PTDSS2: variants seen among roughly 807,000 people sequenced by gnomAD.
The protein encoded by PTDSS2 is phosphatidylserine synthase 2.
Under a neutral mutation model 64.7 loss-of-function variants are expected in PTDSS2, and 41 were observed. The ratio of observed to expected loss-of-function variants is 0.63; its 90% confidence interval spans 0.49 to 0.82. The LOEUF (loss-of-function observed/expected upper bound fraction) is 0.82, where lower values mean the gene tolerates loss of function less well. Ranked by LOEUF, PTDSS2 falls within the 40% of genes least tolerant of loss-of-function variation. PTDSS2 has a pLI of 0.00. For synonymous variants in PTDSS2, 297 were observed against 277.8 expected (o/e 1.07, Z -0.69); for missense variants, 485 against 650.0 (o/e 0.75, Z 2.76).
chr11:488,718 CAGCAGACCCCG>C (rs1199880737), intron 8 of PTDSS2, 71 bp downstream of exon 8: 8 of 1,132,260 alleles, frequency 7.1e-6, no homozygotes, highest in Admixed American at 1.7e-5. Flanking sequence ...GTCCGTGCTC[CAGCAGACCCCG>C]AGCACCAGGC....
At chr11:484,169 T>C (rs931019885) in intron 4 of PTDSS2, among the ~76,000 whole-genome samples, 1 of 152,216 alleles carries the variant, frequency 6.6e-6, no homozygotes, top group Admixed American at 6.5e-5. Context: ...CGCTGCTCTA[T>C]TTATCGTGGT....
intron 1 of PTDSS2, among the ~76,000 whole-genome samples, chr11:451,856 G>T (rs1318648896): frequency 2.0e-5 from 3 of 152,210 alleles, no homozygotes; most frequent in African/African-American, 7.2e-5. Context: ...AGCTGCTGTT[G>T]CAGGGAGGGC....
At position 462,266 on chromosome 11, in the gene PTDSS2, G is replaced by A. The variant is rs1410590718; in HGVS notation, c.284+1978G>A. The stretch of plus-strand genomic sequence containing the variant: ...GACCCCTGAGGGGGCAGCAGTGGTG[G>A]GCACGTCCCCCACTTCACCCAGCAC... On this transcript the variant is annotated intron_variant, in intron 2 of 11. Coordinates refer to ENST00000308020, the MANE Select transcript of PTDSS2 (RefSeq NM_030783.3). This position sits in a 1 kb window ranked among gnomAD's most constrained non-coding sequence, Gnocchi z 4.5. Among the ~76,000 whole-genome samples, 1 of 152,036 alleles carries A rather than the reference G, an allele frequency of 6.6e-6. No individual in the cohort carries two copies. The highest frequency in any genetic ancestry group is 1.5e-5 in the Non-Finnish European group (1 of 67,988).
In PTDSS2 at chr11:486,014, C is replaced by CGT. The variant is rs201962344; in HGVS notation, c.436-923_436-922dup. ...CGAGCGTAAGCAGTGCACGGGCGCG[C>CGT]GTGCTCACCGTGTGCGCAGGCGAGT... On this transcript the variant is annotated intron_variant, in intron 4 of 11. Transcript: ENST00000308020. Among the ~76,000 whole-genome samples, 415 of 114,294 alleles carry CGT rather than the reference C, an allele frequency of 3.6e-3. 6 individuals carry two copies. The highest frequency in any genetic ancestry group is 6.8e-3 in the Admixed American group (83 of 12,172). 75.0% of individuals were successfully genotyped at this position (114,294 alleles called of 152,430 possible). A position where few individuals can be genotyped will look rare whatever the true frequency, so the allele number is the denominator to read the frequency against.
At position 451,303 on chromosome 11, in the gene PTDSS2, A is replaced by G. The variant is rs576064273; in HGVS notation, c.182+666A>G. ...CCACTCTGCCTTTAATGGGGGTGGA[A>G]AAGGAAGAGGCCCCCGGGAGCAGCT... On this transcript the variant is annotated intron_variant, in intron 1 of 11. Transcript: ENST00000308020. 8.4e-4 allele frequency: 350 copies of G among 414,494 alleles called. 1 individual carries two copies. The highest frequency in any genetic ancestry group is 6.9e-3 in the African/African-American group (337 of 49,080). The allele number at this position is 414,494 out of a possible 1,614,324, so 25.7% of individuals were successfully genotyped here. A position where few individuals can be genotyped will look rare whatever the true frequency, so the allele number is the denominator to read the frequency against.
chr11:473,827 G>T, intron 2 of PTDSS2, 68 bp from the exon 3 acceptor site: 1 of 1,236,002 alleles, frequency 8.1e-7, no homozygotes. Flanking sequence ...GGGGGTCCCT[G>T]CAGCCTCCCA....
In PTDSS2 at chr11:489,975, C is replaced by G. The variant is rs776382002; in HGVS notation, c.1208C>G (p.Thr403Arg). ...ATCGTGGTGAAGTACGACCCCCACACGCTCACCCTGTCCCTGCCCTTCTAC... is the reference window on the plus strand; with the variant it reads ...ATCGTGGTGAAGTACGACCCCCACAGGCTCACCCTGTCCCTGCCCTTCTAC... Reference protein sequence around the residue: ...LLIVVKYDPHTLTLSLPFYIS... With the variant: ...LLIVVKYDPHRLTLSLPFYIS... The change falls in exon 11 of 12, where the codon ACG becomes AGG. Residue 403 changes from threonine (T) to arginine (R), a missense_variant. Coordinates refer to ENST00000308020, the MANE Select transcript of PTDSS2 (RefSeq NM_030783.3). 2 of 1,612,190 alleles carry G rather than the reference C, an allele frequency of 1.2e-6. No homozygotes were observed. Among genetic ancestry groups the G allele is most frequent in the South Asian group, 1.1e-5 (1 of 91,044 alleles).
chr11:489,366 G>A (rs757542302), intron 8 of PTDSS2, 34 bp from the exon 9 acceptor site: 1 of 1,585,522 alleles, frequency 6.3e-7, no homozygotes, highest in East Asian at 2.2e-5. Context: ...TCGGTGGGCT[G>A]CCTTCCTCAG....
intron 4 of PTDSS2, among the ~76,000 whole-genome samples, chr11:481,272 G>A (rs1425192339): frequency 2.0e-5 from 3 of 152,160 alleles, no homozygotes; most frequent in Non-Finnish European, 4.4e-5. Flanking sequence ...AGTGACATTT[G>A]CAATTGGGAA....
intron 3 of PTDSS2, among the ~76,000 whole-genome samples, chr11:474,224 C>T (rs1216570128): frequency 6.6e-6 from 1 of 152,212 alleles, no homozygotes; most frequent in African/African-American, 2.4e-5. Flanking sequence ...GTCCAGGGCT[C>T]TCCAGCCCTT....
At chr11:463,690 G>C (rs981713532) in intron 2 of PTDSS2, 1 of 151,148 alleles carries the variant, frequency 6.6e-6, no homozygotes, top group Non-Finnish European at 1.5e-5. Context: ...GGGACTACAG[G>C]TGCCCGCCAC....
At chr11:448,289 A>G (rs1846180161), upstream of PTDSS2, 1 of 151,294 alleles carries the variant, frequency 6.6e-6, no homozygotes, top group African/African-American at 2.4e-5. Flanking sequence ...CAGGGACCCC[A>G]GTGGGGCCGG....
chr11:484,857 G>A (rs544402288), intron 4 of PTDSS2, among the ~76,000 whole-genome samples: 2 of 148,312 alleles, frequency 1.3e-5, no homozygotes, highest in African/African-American at 2.5e-5. Context: ...GCACGGGTGC[G>A]TGTGCTCACT....
chr11:456,648 C>T (rs1233118611), intron 1 of PTDSS2, among the ~76,000 whole-genome samples: 2 of 152,180 alleles, frequency 1.3e-5, no homozygotes, highest in Admixed American at 6.5e-5. Flanking sequence ...GGGCTGTCTC[C>T]AGGAGGACAC....
chr11:459,717 C>A, intron 1 of PTDSS2: 1 of 163,836 alleles, frequency 6.1e-6, no homozygotes, highest in South Asian at 1.6e-4. Flanking sequence ...CTCCAGCTAG[C>A]AGCGGTCACT....
Position 486,947 on chromosome 11 carries a change from G to T in PTDSS2, c.444G>T (p.Gln148His). Residue 148 changes from glutamine (Q) to histidine (H), a missense_variant, in exon 5 of 12, where the codon CAG becomes CAT. Coordinates refer to ENST00000308020, the MANE Select transcript of PTDSS2 (RefSeq NM_030783.3). ...GGGCACTGGCCTTGCAGACTGTCCAGGACGGCCGGCAGTTTCTAAAGTATG... is the reference window on the plus strand; with the variant it reads ...GGGCACTGGCCTTGCAGACTGTCCATGACGGCCGGCAGTTTCTAAAGTATG... ...FLIFILFQTV[Q>H]DGRQFLKYVD... The T allele has an allele frequency of 6.2e-7, 1 of 1,612,404 alleles. No individual in the cohort carries two copies. Among genetic ancestry groups the T allele is most frequent in the Non-Finnish European group, 8.5e-7 (1 of 1,179,540 alleles).
At chr11:485,012 G>A (rs1416078449) in intron 4 of PTDSS2, among the ~76,000 whole-genome samples, 4 of 143,810 alleles carry the variant, frequency 2.8e-5, no homozygotes, top group South Asian at 2.2e-4. Context: ...GCAGGCGAGC[G>A]TAAACAGTGC....
Position 490,569 on chromosome 11 carries a change from C to G in PTDSS2, c.1451C>G (p.Pro484Arg). ...GGGGTGGCCGAGGGCGAGGGAGCAC[C>G]AACTCCAAACTGACCTGGGCCGTGG... Reference protein sequence around the residue: ...GPGVAEGEGAPTPN With the variant: ...GPGVAEGEGARTPN Residue 484 changes from proline to arginine, a missense_variant, in exon 12 of 12, where the codon CCA (proline) becomes CGA (arginine). This residue lies in a region of PTDSS2 where 219 missense variants were observed against 257.3 expected (regional missense o/e 0.85). Coordinates refer to ENST00000308020, the MANE Select transcript of PTDSS2 (RefSeq NM_030783.3). 1 of 1,598,636 alleles carries G rather than the reference C, an allele frequency of 6.3e-7. No homozygotes were observed. Among genetic ancestry groups the G allele is most frequent in the Non-Finnish European group, 8.5e-7 (1 of 1,173,344 alleles).
chr11:470,044 A>G lies in PTDSS2; in HGVS notation c.285-3851A>G, dbSNP rs1387949509. Among the ~76,000 whole-genome samples, 1 of 152,244 alleles carries G rather than the reference A, an allele frequency of 6.6e-6. No individual in the cohort carries two copies. The highest frequency in any genetic ancestry group is 1.5e-5 in the Non-Finnish European group (1 of 68,036). The stretch of plus-strand genomic sequence containing the variant: ...AGGGAACAAGACCAACCTTCCCTGC[A>G]GAAGGTTTTCAGTAAATGAGGTAGA... On this transcript the variant is annotated intron_variant, in intron 2 of 11. Coordinates refer to ENST00000308020, the MANE Select transcript of PTDSS2 (RefSeq NM_030783.3). This position sits in a 1 kb window ranked among gnomAD's most constrained non-coding sequence, Gnocchi z 5.3.
Sources: gnomAD v4.1 joint callset for allele counts (sites outside exome capture counted in the v4.1 genomes callset) on GRCh38, gnomAD v4.1.1 for gene constraint, gnomAD v4.1.1 regional missense constraint, Gnocchi (gnomAD v3.1) non-coding constraint, MANE v1.5 for transcripts, NCBI Gene and HGNC (gene_info 2026-07-23, HGNC 2026-07-21) for gene names.